TNKS: variants seen among roughly 807,000 people sequenced by gnomAD.
TNKS encodes the protein tankyrase.
In TNKS, 72 loss-of-function variants were observed where a neutral mutation model predicts 135.8. The ratio of observed to expected loss-of-function variants is 0.53; its 90% CI spans 0.44 to 0.64. The LOEUF (loss-of-function observed/expected upper bound fraction) is 0.64. Ranked by LOEUF, TNKS falls within the 30% of genes least tolerant of loss-of-function variation. The probability of loss-of-function intolerance (pLI) is 0.00; values close to 1 mark genes in which losing one functional copy is unlikely to be tolerated. For synonymous variants in TNKS, 849 were observed against 649.3 expected (o/e 1.31, Z -4.68); for missense variants, 1,769 against 1,674.0 (o/e 1.06, Z -0.99).
intron 3 of TNKS, among the ~76,000 whole-genome samples, chr8:9,640,426 A>C (rs940447957): frequency 6.9e-6 from 1 of 145,432 alleles, no homozygotes; most frequent in African/African-American, 2.6e-5. Flanking sequence ...TGGGGGATAC[A>C]TTCAAACCAT....
intron 1 of TNKS, among the ~76,000 whole-genome samples, chr8:9,572,795 C>T (rs1797805403): frequency 6.6e-6 from 1 of 152,054 alleles, no homozygotes; most frequent in Non-Finnish European, 1.5e-5. Context: ...TTTAGTGGAC[C>T]TTTAGAGATA....
intron 3 of TNKS, among the ~76,000 whole-genome samples, chr8:9,668,665 G>C (rs1802119024): frequency 1.3e-5 from 2 of 152,190 alleles, no homozygotes; most frequent in South Asian, 4.1e-4. Flanking sequence ...GAAGTTATGT[G>C]TAAGTTTGGC....
rs201334888 is a variant in TNKS at position 9,720,503 on chromosome 8, G to A, written c.1879G>A (p.Ala627Thr). The A allele has an allele frequency of 1.2e-6, 2 of 1,614,104 alleles. No homozygotes were observed. The highest frequency in any genetic ancestry group is 1.1e-5 in the South Asian group (1 of 91,072). The change falls in exon 12 of 27, where the codon GCA becomes ACA. Residue 627 changes from alanine to threonine, a missense_variant. This residue lies in a region of TNKS where 523 missense variants were observed against 541.0 expected (regional missense o/e 0.97). Coordinates refer to ENST00000310430, the MANE Select transcript of TNKS (RefSeq NM_003747.3). ...CATCATCTCCTTACAAGGCTTCACA[G>A]CAGCACAGATGGGCAATGAAGCAGT... is the stretch of plus-strand genomic sequence containing the variant. ...PSIISLQGFTAAQMGNEAVQQ... is the reference protein window; with the variant it reads ...PSIISLQGFTTAQMGNEAVQQ...
chr8:9,679,713 C>G, intron 3 of TNKS: 1 of 465,520 alleles, frequency 2.1e-6, no homozygotes, highest in East Asian at 3.3e-5. Flanking sequence ...CATTGGTTGT[C>G]TGAAGAAAGC....
chr8:9,689,177 C>G (rs563284011), intron 5 of TNKS, among the ~76,000 whole-genome samples: 1 of 152,286 alleles, frequency 6.6e-6, no homozygotes, highest in South Asian at 2.1e-4. Flanking sequence ...GATTATCACT[C>G]AAGCTTGCTT....
intron 2 of TNKS, among the ~76,000 whole-genome samples, chr8:9,585,683 C>G (rs147650427): frequency 6.6e-6 from 1 of 152,266 alleles, no homozygotes; most frequent in African/African-American, 2.4e-5. Flanking sequence ...GTAAGAAAGG[C>G]TGAATCAAGC....
At chr8:9,650,949 G>C (rs1801126652) in intron 3 of TNKS, among the ~76,000 whole-genome samples, 1 of 152,100 alleles carries the variant, frequency 6.6e-6, no homozygotes, top group African/African-American at 2.4e-5. Context: ...TGTTGTTTCA[G>C]GTCTTCGATT....
intron 26 of TNKS, among the ~76,000 whole-genome samples, chr8:9,771,567 G>A (rs1380172622): frequency 1.4e-5 from 2 of 141,838 alleles, no homozygotes; most frequent in Middle Eastern, 3.9e-3. Context: ...GAGAAAGCGA[G>A]AGAGGAAGGA....
chr8:9,674,350 T>G (rs1182262885), intron 3 of TNKS, among the ~76,000 whole-genome samples: 1 of 152,190 alleles, frequency 6.6e-6, no homozygotes, highest in Non-Finnish European at 1.5e-5. Context: ...CAGTCCAGCA[T>G]TTTTTATTTC....
Position 9,782,004 on chromosome 8 carries a change from C to A in TNKS, c.*5268C>A, listed in dbSNP as rs1405051213. ...ATTTGGCATATATTTACAGTAAAAG[C>A]ATTCATTATTTGTCTGAAATTCAAA... is the stretch of plus-strand genomic sequence containing the variant. On this transcript the variant is annotated 3_prime_UTR_variant, in exon 27 of 27. Transcript: ENST00000310430. The A allele has an allele frequency of 1.3e-5, 2 of 152,316 alleles. No individual in the cohort carries two copies. Among genetic ancestry groups the A allele is most frequent in the Non-Finnish European group, 2.9e-5 (2 of 68,030 alleles). 9.4% of individuals were successfully genotyped at this position (152,316 alleles called of 1,614,324 possible). A position where few individuals can be genotyped will look rare whatever the true frequency, so the allele number is the denominator to read the frequency against.
chr8:9,600,644 T>G (rs1798982696), intron 2 of TNKS, among the ~76,000 whole-genome samples: 1 of 152,142 alleles, frequency 6.6e-6, no homozygotes, highest in African/African-American at 2.4e-5. Flanking sequence ...AAATGCAGTT[T>G]TTATTTTTTC....
intron 5 of TNKS, among the ~76,000 whole-genome samples, chr8:9,698,485 T>C (rs1563174650): frequency 6.6e-6 from 1 of 152,060 alleles, no homozygotes; most frequent in Non-Finnish European, 1.5e-5. Context: ...ATTATGTACT[T>C]TGTACAGTTA....
At chr8:9,575,182 G>C (rs1484250444) in intron 1 of TNKS, 9 of 656,424 alleles carry the variant, frequency 1.4e-5, no homozygotes, top group Non-Finnish European at 1.7e-5. Flanking sequence ...CGCCTCCCGG[G>C]TTCACGCCAT....
At chr8:9,562,036 C>G (rs183483489) in intron 1 of TNKS, among the ~76,000 whole-genome samples, 2 of 152,028 alleles carry the variant, frequency 1.3e-5, no homozygotes, top group African/African-American at 4.8e-5. Context: ...AGGCTGGTCA[C>G]GAACTCCTGA....
chr8:9,574,084 G>A (rs1004057766), intron 1 of TNKS, among the ~76,000 whole-genome samples: 6 of 152,284 alleles, frequency 3.9e-5, no homozygotes, highest in African/African-American at 1.4e-4. Flanking sequence ...AGTATATTGG[G>A]GTTAGGCTAT....
chr8:9,643,272 T>C lies in TNKS; in HGVS notation c.994+27595T>C, dbSNP rs113376360. 7.5e-3 allele frequency among the ~76,000 whole-genome samples: 1,098 copies of C among 146,026 alleles called. 100 individuals are homozygous for C. The highest frequency in any genetic ancestry group is 0.011 in the South Asian group (48 of 4,548). ...GATTTATAAAGAAAAGAAGTTTATT[T>C]TTTTCAGTTCTAGAAGCTGAGAAGT... On this transcript the variant is annotated intron_variant, in intron 3 of 26. Transcript: ENST00000310430.
At chr8:9,707,411 T>A (rs7840697) in intron 8 of TNKS, among the ~76,000 whole-genome samples, 1 of 152,034 alleles carries the variant, frequency 6.6e-6, no homozygotes, top group African/African-American at 2.4e-5. Flanking sequence ...AAACCTCTTA[T>A]GGGCTTACGT....
At chr8:9,582,932 T>G (rs1479835385) in intron 2 of TNKS, among the ~76,000 whole-genome samples, 1 of 152,050 alleles carries the variant, frequency 6.6e-6, no homozygotes, top group African/African-American at 2.4e-5. Context: ...TTTGGGAGGC[T>G]GAGATGGGCA....
At chr8:9,618,124 C>G (rs1436531540) in intron 3 of TNKS, among the ~76,000 whole-genome samples, 1 of 151,690 alleles carries the variant, frequency 6.6e-6, no homozygotes, top group African/African-American at 2.4e-5. Context: ...GTAGCTGGGA[C>G]TACAGGCATG....
Sources: gnomAD v4.1 joint callset for allele counts (sites outside exome capture counted in the v4.1 genomes callset) on GRCh38, gnomAD v4.1.1 for gene constraint, gnomAD v4.1.1 regional missense constraint, MANE v1.5 for transcripts, NCBI Gene and HGNC (gene_info 2026-07-23, HGNC 2026-07-21) for gene names.